The following PDK4 variants were observed in gnomAD, a reference collection of about 807,000 sequenced individuals.
The protein encoded by PDK4 is pyruvate dehydrogenase kinase, isozyme 4.
In PDK4, 43 loss-of-function variants were observed where a neutral mutation model predicts 51.7. The observed-to-expected ratio is 0.83, with a 90% CI of 0.65 to 1.07. The LOEUF (loss-of-function observed/expected upper bound fraction) is 1.07. PDK4 is among the 50% of genes least tolerant of loss of function. The pLI is 0.00. For synonymous variants in PDK4, 170 were observed against 176.6 expected, an observed-to-expected ratio of 0.96 and a Z score of 0.30; for missense variants, 498 against 503.5, an observed-to-expected ratio of 0.99 and a Z score of 0.10.
chr7:95,592,448 A>G lies in PDK4; in HGVS notation c.616+63T>C. The G allele has an allele frequency of 3.3e-6, 3 of 921,860 alleles. No individual in the cohort carries two copies. In the Admixed American group the frequency reaches 5.3e-5, roughly 16 times the overall value. 57.1% of individuals were successfully genotyped at this position (921,860 alleles called of 1,614,324 possible). A position where few individuals can be genotyped will look rare whatever the true frequency, so the allele number is the denominator to read the frequency against. On this transcript the variant is annotated intron_variant, in intron 5 of 10. Transcript: ENST00000005178. ...ATTCATTCACAGAGTCACCTCAATT[A>G]TAGATATGTCAATCATATATTGTAC...
intron 2 of PDK4, among the ~76,000 whole-genome samples, chr7:95,594,602 C>A (rs1158094785): frequency 1.3e-5 from 2 of 152,138 alleles, no homozygotes; most frequent in Non-Finnish European, 2.9e-5. Context: ...AGGATTTGAA[C>A]CCAGAGCCCA....
chr7:95,589,845 C>A, intron 6 of PDK4, 129 bp from the exon 7 acceptor site: 1 of 617,118 alleles, frequency 1.6e-6, no homozygotes. Context: ...ATCCCCAAAT[C>A]CTGCCCTAGA....
chr7:95,594,059 A>G (rs1318013722), intron 2 of PDK4, among the ~76,000 whole-genome samples: 1 of 152,218 alleles, frequency 6.6e-6, no homozygotes, highest in Non-Finnish European at 1.5e-5. Context: ...TCTTCTAGCA[A>G]TAATACTTAG....
chr7:95,595,060 A>C lies in PDK4; in HGVS notation c.235T>G (p.Leu79Val), dbSNP rs1318803926. The change falls in exon 2 of 11, where the codon TTA becomes GTA. Residue 79 changes from leucine (L) to valine (V), a missense_variant. By Grantham distance (32) the Leu-to-Val change is conservative. Coordinates refer to ENST00000005178, the MANE Select transcript of PDK4 (RefSeq NM_002612.4). The part of the protein sequence containing the change: ...LKEIDILPTQ[L>V]VNTSSVQLVK... ...AATTGCACTGAAGAGGTATTTACTA[A>C]TTGGGTCGGGAGGATATCAATTTCC... The C allele has an allele frequency of 6.2e-7, 1 of 1,612,506 alleles. No homozygotes were observed. The highest frequency in any genetic ancestry group is 1.3e-5 in the African/African-American group (1 of 74,870).
At position 95,592,073 on chromosome 7, in the gene PDK4, A is replaced by T. The variant is rs1159028668; in HGVS notation, c.617-8T>A. On this transcript the variant is annotated splice_region_variant and splice_polypyrimidine_tract_variant and intron_variant, in intron 5 of 10. Transcript: ENST00000005178. ...TTGAACACTCAAAGGCATCTGGAAT[A>T]GAAGTTGTTTTTTATAACAATGAAA... 6.5e-7 allele frequency: 1 copy of T among 1,544,166 alleles called. No individual in the cohort carries two copies. The highest frequency in any genetic ancestry group is 2.0e-5 in the Admixed American group (1 of 49,770).
chr7:95,587,405 T>G lies in PDK4; in HGVS notation c.981+13A>C. On this transcript the variant is annotated intron_variant, in intron 9 of 10. Coordinates refer to ENST00000005178, the MANE Select transcript of PDK4 (RefSeq NM_002612.4). Reference sequence around the variant, plus strand: ...GGTGGCTGAGATTAATTTAGCCATATAATTGTTCTTACCAAAGGAGCATTC... The same window carrying G: ...GGTGGCTGAGATTAATTTAGCCATAGAATTGTTCTTACCAAAGGAGCATTC... The G allele has an allele frequency of 6.9e-7, 1 of 1,450,366 alleles. No individual in the cohort carries two copies. Among genetic ancestry groups the G allele is most frequent in the Non-Finnish European group, 9.7e-7 (1 of 1,030,478 alleles). The allele number at this position is 1,450,366 out of a possible 1,614,324, so 89.8% of individuals were successfully genotyped here.
chr7:95,589,434 A>G (rs963264196), intron 7 of PDK4, among the ~76,000 whole-genome samples: 8 of 152,250 alleles, frequency 5.3e-5, no homozygotes, highest in Non-Finnish European at 8.8e-5. Context: ...TGTATGATGC[A>G]TTCTCAAATA....
rs1791456245 is a variant in PDK4 at position 95,584,623 on chromosome 7, C to G, written c.*1018G>C. On this transcript the variant is annotated 3_prime_UTR_variant, in exon 11 of 11. Transcript: ENST00000005178. ...TAATTTTTAAACAGACATATTAATGCTGGAGTGTAGAGAATATAATTAAAT... is the reference window on the plus strand; with the variant it reads ...TAATTTTTAAACAGACATATTAATGGTGGAGTGTAGAGAATATAATTAAAT... The G allele has an allele frequency of 6.6e-6, 1 of 152,118 alleles. No homozygotes were observed. Among genetic ancestry groups the G allele is most frequent in the Non-Finnish European group, 1.5e-5 (1 of 68,014 alleles). The allele number at this position is 152,118 out of a possible 1,614,324, so 9.4% of individuals were successfully genotyped here. A position where few individuals can be genotyped will look rare whatever the true frequency, so the allele number is the denominator to read the frequency against.
intron 3 of PDK4, among the ~76,000 whole-genome samples, chr7:95,593,168 AAACT>A (rs1210539399): frequency 6.6e-6 from 1 of 152,054 alleles, no homozygotes; most frequent in Non-Finnish European, 1.5e-5. Flanking sequence ...CTTATATGTA[AAACT>A]ATTAGCCTTA....
chr7:95,596,202 C>G lies in PDK4; in HGVS notation c.92G>C (p.Ser31Thr). ...PREVEHFSRYSPSPLSMKQLL... is the reference protein window; with the variant it reads ...PREVEHFSRYTPSPLSMKQLL... ...CTGCTTCATGGACAGCGGGGACGGG[C>G]TGTAGCGCGAGAAATGCTCCACCTC... The change falls in exon 1 of 11, where the codon AGC (serine) becomes ACC (threonine). Residue 31 changes from serine to threonine, a missense_variant. Transcript: ENST00000005178. The G allele has an allele frequency of 6.2e-7, 1 of 1,605,212 alleles. No homozygotes were observed.
In PDK4 at chr7:95,585,696, T is replaced by C. The variant is rs1259580404; in HGVS notation, c.1181A>G (p.Asp394Gly). The change falls in exon 11 of 11, where the codon GAC becomes GGC. Residue 394 changes from aspartate to glycine, a missense_variant. By Grantham distance (94) the Asp-to-Gly change is moderately conservative. Coordinates refer to ENST00000005178, the MANE Select transcript of PDK4 (RefSeq NM_002612.4). Reference protein sequence around the residue: ...KHYQMSSEADDWCIPSREPKN... With the variant: ...KHYQMSSEADGWCIPSREPKN... Reference sequence around the variant, plus strand: ...TGGTTCCCTGCTTGGGATACACCAGTCATCAGCCTCAGAGCTCATCTGATA... The same window carrying C: ...TGGTTCCCTGCTTGGGATACACCAGCCATCAGCCTCAGAGCTCATCTGATA... 1.2e-6 allele frequency: 2 copies of C among 1,612,336 alleles called. No homozygotes were observed. The highest frequency in any genetic ancestry group is 1.7e-6 in the Non-Finnish European group (2 of 1,178,624).
In PDK4 at chr7:95,587,070, T is replaced by C. The variant is rs1156795576; in HGVS notation, c.1035A>G (p.Gln345=). ...ATAAAGAGTAGAGATTCAGATCTCC[T>C]TGAAAGTACTTTGCATACAGACGAG... ...PISRLYAKYF[Q]GDLNLYSLSG... Residue 345 remains glutamine (Q), a synonymous_variant, in exon 10 of 11, where the codon CAA becomes CAG. Transcript: ENST00000005178. The C allele has an allele frequency of 6.2e-7, 1 of 1,612,616 alleles. No homozygotes were observed. Among genetic ancestry groups the C allele is most frequent in the Non-Finnish European group, 8.5e-7 (1 of 1,178,798 alleles).
intron 5 of PDK4, 66 bp from the exon 6 acceptor site, chr7:95,592,131 C>T (rs1481793724): frequency 1.5e-5 from 12 of 823,128 alleles, no homozygotes; most frequent in Non-Finnish European, 2.4e-5. Flanking sequence ...CTCAAATAAT[C>T]TTCAGTGTCT....
Position 95,584,614 on chromosome 7 carries a change from A to G in PDK4, c.*1027T>C, listed in dbSNP as rs999197738. The G allele has an allele frequency of 1.3e-5, 2 of 152,208 alleles. No individual in the cohort carries two copies. Among genetic ancestry groups the G allele is most frequent in the Non-Finnish European group, 2.9e-5 (2 of 68,030 alleles). 9.4% of individuals were successfully genotyped at this position (152,208 alleles called of 1,614,324 possible). A position where few individuals can be genotyped will look rare whatever the true frequency, so the allele number is the denominator to read the frequency against. On this transcript the variant is annotated 3_prime_UTR_variant, in exon 11 of 11. Transcript: ENST00000005178. ...GAGAATTAGTAATTTTTAAACAGAC[A>G]TATTAATGCTGGAGTGTAGAGAATA...
Position 95,596,190 on chromosome 7 carries a change from AG to A in PDK4, c.103del (p.Leu35CysfsTer3). The A allele has an allele frequency of 6.2e-7, 1 of 1,604,054 alleles. No homozygotes were observed. Among genetic ancestry groups the A allele is most frequent in the Non-Finnish European group, 8.5e-7 (1 of 1,175,564 alleles). On this transcript the variant is annotated frameshift_variant, in exon 1 of 11. Transcript: ENST00000005178. LOFTEE classifies it high-confidence loss of function. The stretch of plus-strand genomic sequence containing the variant: ...AAAGTCCAGTAGCTGCTTCATGGAC[AG>A]CGGGGACGGGCTGTAGCGCGAGAAA... ...EHFSRYSPSP[L>X]SMKQLLDFGS...
intron 1 of PDK4, 61 bp from the exon 2 acceptor site, chr7:95,595,225 T>G: frequency 9.3e-7 from 1 of 1,070,858 alleles, no homozygotes; most frequent in Non-Finnish European, 1.4e-6. Flanking sequence ...TATATCTAAA[T>G]AGCATTAACT....
Position 95,585,862 on chromosome 7 carries a change from A to T in PDK4, c.1096-81T>A, listed in dbSNP as rs113740931. The T allele has an allele frequency of 2.3e-4, 287 of 1,227,168 alleles. 5 individuals are homozygous for T. In the African/African-American group the frequency reaches 3.6e-3, roughly 15 times the overall value. The allele number at this position is 1,227,168 out of a possible 1,614,324, so 76.0% of individuals were successfully genotyped here. ...TGCACTTGAAGTTATTACTCAAAATACATTCAGAGGTAAGTATCCAAACAT... is the reference window on the plus strand; with the variant it reads ...TGCACTTGAAGTTATTACTCAAAATTCATTCAGAGGTAAGTATCCAAACAT... On this transcript the variant is annotated intron_variant, in intron 10 of 10. Coordinates refer to ENST00000005178, the MANE Select transcript of PDK4 (RefSeq NM_002612.4).
At chr7:95,589,313 T>G (rs1262450267) in intron 7 of PDK4, among the ~76,000 whole-genome samples, 1 of 152,126 alleles carries the variant, frequency 6.6e-6, no homozygotes, top group Non-Finnish European at 1.5e-5. Flanking sequence ...CACTGAAACA[T>G]TCACCCCATG....
At chr7:95,589,938 G>T (rs898755376) in intron 6 of PDK4, among the ~76,000 whole-genome samples, 4 of 147,454 alleles carry the variant, frequency 2.7e-5, no homozygotes, top group African/African-American at 9.9e-5. Flanking sequence ...TTTGTTAATT[G>T]TTTTTTTTTT....
Sources: allele counts gnomAD v4.1 joint callset (sites outside exome capture counted in the v4.1 genomes callset), GRCh38; gene constraint gnomAD v4.1.1; transcripts MANE v1.5; gene names NCBI Gene and HGNC (gene_info 2026-07-23, HGNC 2026-07-21).